Variants in C1orf226 observed in about 807,000 individuals in gnomAD.
C1orf226 encodes the protein uncharacterized protein C1orf226.
A neutral mutation model predicts 10.5 loss-of-function variants in C1orf226; 4 were observed. The ratio of observed to expected loss-of-function variants is 0.38; its 90% CI spans 0.19 to 0.87. The LOEUF (loss-of-function observed/expected upper bound fraction) is 0.87. C1orf226 is among the 40% of genes least tolerant of loss of function. The pLI is 0.41. For missense variants in C1orf226, 313 were observed against 336.2 expected (o/e 0.93, Z 0.54); for synonymous variants, 125 against 139.3 (o/e 0.90, Z 0.72).
chr1:162,380,159 C>T (rs145120635), upstream of C1orf226, among the ~76,000 whole-genome samples: 535 of 152,270 alleles, frequency 3.5e-3, 9 homozygotes, highest in Non-Finnish European at 1.1e-3. Flanking sequence ...TGCTGTGGAG[C>T]GGGCTGGAAG....
upstream of C1orf226, chr1:162,379,044 G>T: frequency 6.6e-7 from 1 of 1,508,118 alleles, no homozygotes; most frequent in South Asian, 1.2e-5. Context: ...AAGATATCCT[G>T]TTTTTTTGTG....
In C1orf226 at chr1:162,385,227, G is replaced by A. The variant is rs1359972394; in HGVS notation, c.*1544G>A. 1 of 152,378 alleles carries A rather than the reference G, an allele frequency of 6.6e-6. No individual in the cohort carries two copies. Among genetic ancestry groups the A allele is most frequent in the Non-Finnish European group, 1.5e-5 (1 of 68,094 alleles). 9.4% of individuals were successfully genotyped at this position (152,378 alleles called of 1,614,324 possible). The stretch of plus-strand genomic sequence containing the variant: ...TTTGGCTTCCCACCCATAAGCTCTG[G>A]GATACCCAGGGCTTGCTTCCCAGCT... On this transcript the variant is annotated 3_prime_UTR_variant, in exon 2 of 2. Coordinates refer to ENST00000458626, the MANE Select transcript of C1orf226 (RefSeq NM_001085375.2).
Position 162,381,744 on chromosome 1 carries a change from G to A in C1orf226, c.-158G>A. On this transcript the variant is annotated 5_prime_UTR_variant, in exon 1 of 2. Transcript: ENST00000458626. ...AAGAAAACTACACTGGAAAGTTCAA[G>A]AGTGTCTTTGCTGGCTCTTTCTTGA... 3.4e-6 allele frequency: 5 copies of A among 1,461,618 alleles called. No individual in the cohort carries two copies. The highest frequency in any genetic ancestry group is 4.5e-6 in the Non-Finnish European group (5 of 1,111,420). The allele number at this position is 1,461,618 out of a possible 1,614,324, so 90.5% of individuals were successfully genotyped here.
chr1:162,384,761 T>TG lies in C1orf226; in HGVS notation c.*1084dup. The TG allele has an allele frequency of 6.5e-6, 1 of 152,948 alleles. No individual in the cohort carries two copies. 9.5% of individuals were successfully genotyped at this position (152,948 alleles called of 1,614,324 possible). The stretch of plus-strand genomic sequence containing the variant: ...CAAGATTGGAATGTGAGAAGAACTG[T>TG]GGGGGGAAACCAGTTTTAATTAAGT... On this transcript the variant is annotated 3_prime_UTR_variant, in exon 2 of 2. Coordinates refer to ENST00000458626, the MANE Select transcript of C1orf226 (RefSeq NM_001085375.2).
chr1:162,382,400 C>T (rs1647945997), intron 1 of C1orf226, among the ~76,000 whole-genome samples, 182 bp downstream of exon 1: 1 of 152,236 alleles, frequency 6.6e-6, no homozygotes, highest in Admixed American at 6.5e-5. Context: ...TCTGCAGCCA[C>T]AGCTGAAGGT....
At chr1:162,381,578 G>A (rs80160544), upstream of C1orf226, among the ~76,000 whole-genome samples, 4,266 of 152,298 alleles carry the variant, frequency 0.028, 87 homozygotes, top group Non-Finnish European at 0.044. Flanking sequence ...TCCAAAGGGC[G>A]TGGTGACTCC....
chr1:162,379,069 C>T, upstream of C1orf226: 1 of 1,332,130 alleles, frequency 7.5e-7, no homozygotes. Context: ...ACTTACATCC[C>T]CAGATGCCCT....
chr1:162,382,168 G>C lies in C1orf226; in HGVS notation c.267G>C (p.Gln89His), dbSNP rs369068124. The C allele has an allele frequency of 2.7e-5, 43 of 1,588,944 alleles. No individual in the cohort carries two copies. Among genetic ancestry groups the C allele is most frequent in the Non-Finnish European group, 3.3e-5 (39 of 1,167,776 alleles). ...AGATCAACAAGACTGCAGGAGCACA[G>C]CTGGCCAGTGGGACTGACGCGGCTC... ...VTEINKTAGA[Q>H]LASGTDAAPE... The change falls in exon 1 of 2, where the codon CAG becomes CAC. Residue 89 changes from glutamine (Q) to histidine (H), a missense_variant. Coordinates refer to ENST00000458626, the MANE Select transcript of C1orf226 (RefSeq NM_001085375.2).
intron 1 of C1orf226, among the ~76,000 whole-genome samples, chr1:162,382,923 C>T (rs1442707365): frequency 2.6e-5 from 4 of 152,244 alleles, no homozygotes; most frequent in Admixed American, 6.5e-5. Flanking sequence ...GCTTCACCAG[C>T]GGTCTCTATC....
In C1orf226 at chr1:162,383,326, A is replaced by G; in HGVS notation, c.462A>G (p.Pro154=). 2 of 1,611,602 alleles carry G rather than the reference A, an allele frequency of 1.2e-6. No homozygotes were observed. The highest frequency in any genetic ancestry group is 1.7e-6 in the Non-Finnish European group (2 of 1,178,714). ...VLSSLEYGTE[P]SPGQAQDSAP... ...GCAGTCTGGAGTATGGGACAGAGCC[A>G]TCACCTGGGCAGGCCCAGGACTCCG... Residue 154 remains proline (P), a synonymous_variant, in exon 2 of 2, where the codon CCA becomes CCG. Coordinates refer to ENST00000458626, the MANE Select transcript of C1orf226 (RefSeq NM_001085375.2).
At position 162,382,188 on chromosome 1, in the gene C1orf226, C is replaced by T. The variant is rs567512055; in HGVS notation, c.287C>T (p.Ala96Val). The change falls in exon 1 of 2, where the codon GCG becomes GTG. Residue 96 changes from alanine to valine, a missense_variant. Ala to Val is a moderately conservative substitution (Grantham distance 64, BLOSUM62 0). Transcript: ENST00000458626. Reference sequence around the variant, plus strand: ...GCACAGCTGGCCAGTGGGACTGACGCGGCTCCAGAGGCTTGGCTAGAGGAT... The same window carrying T: ...GCACAGCTGGCCAGTGGGACTGACGTGGCTCCAGAGGCTTGGCTAGAGGAT... ...AGAQLASGTD[A>V]APEAWLEDER... is the part of the protein sequence containing the mutation. 3.2e-5 allele frequency: 50 copies of T among 1,583,486 alleles called. 1 individual carries two copies. Among genetic ancestry groups the T allele is most frequent in the Admixed American group, 9.0e-5 (5 of 55,594 alleles).
rs528838762 is a variant in C1orf226 at position 162,386,583 on chromosome 1, G to C, written c.*2900G>C. ...GCTTCCAGAACCTGGCAGGAGGCTG[G>C]TGTATCCCCCTGCACAGAGGGAAGT... On this transcript the variant is annotated 3_prime_UTR_variant, in exon 2 of 2. Coordinates refer to ENST00000458626, the MANE Select transcript of C1orf226 (RefSeq NM_001085375.2). 1.3e-5 allele frequency: 2 copies of C among 152,356 alleles called. No individual in the cohort carries two copies. The highest frequency in any genetic ancestry group is 4.8e-5 in the African/African-American group (2 of 41,562). The allele number at this position is 152,356 out of a possible 1,614,324, so 9.4% of individuals were successfully genotyped here.
At position 162,383,403 on chromosome 1, in the gene C1orf226, C is replaced by T. The variant is rs984933083; in HGVS notation, c.539C>T (p.Thr180Ile). The T allele has an allele frequency of 6.3e-7, 1 of 1,592,154 alleles. No individual in the cohort carries two copies. Among genetic ancestry groups the T allele is most frequent in the African/African-American group, 1.3e-5 (1 of 74,504 alleles). The change falls in exon 2 of 2, where the codon ACC becomes ATC. Residue 180 changes from threonine to isoleucine, a missense_variant. Coordinates refer to ENST00000458626, the MANE Select transcript of C1orf226 (RefSeq NM_001085375.2). ...GCAGACGCTTCACAGCCAGAGGCCA[C>T]CATGGAAAGAGAAGAGAGAGGCAAA... ...VPADASQPEATMEREERGKVL... is the reference protein window; with the variant it reads ...VPADASQPEAIMEREERGKVL...
rs769021007 is a variant in C1orf226 at position 162,383,615 on chromosome 1, C to G, written c.751C>G (p.Pro251Ala). ...LAESWEDGSP[P>A]PQARTSSLDN... Reference sequence around the variant, plus strand: ...TGAGTCCTGGGAGGATGGCAGCCCCCCTCCTCAGGCACGGACCTCCAGCCT... The same window carrying G: ...TGAGTCCTGGGAGGATGGCAGCCCCGCTCCTCAGGCACGGACCTCCAGCCT... Residue 251 changes from proline to alanine, a missense_variant, in exon 2 of 2, where the codon CCT becomes GCT. Coordinates refer to ENST00000458626, the MANE Select transcript of C1orf226 (RefSeq NM_001085375.2). The G allele has an allele frequency of 1.9e-6, 3 of 1,608,654 alleles. No individual in the cohort carries two copies. The highest frequency in any genetic ancestry group is 2.2e-5 in the East Asian group (1 of 44,672).
chr1:162,379,114 G>A, upstream of C1orf226: 2 of 843,512 alleles, frequency 2.4e-6, no homozygotes, highest in Non-Finnish European at 1.9e-6. Flanking sequence ...GGGGGGTACT[G>A]TTGGGAGGGC....
chr1:162,383,809 G>GATCTACACTT lies in C1orf226; in HGVS notation c.*127_*128insTCTACACTTA. 5 of 943,810 alleles carry GATCTACACTT rather than the reference G, an allele frequency of 5.3e-6. No homozygotes were observed. The highest frequency in any genetic ancestry group is 2.9e-5 in the Admixed American group (1 of 34,066). 58.5% of individuals were successfully genotyped at this position (943,810 alleles called of 1,614,324 possible). A position where few individuals can be genotyped will look rare whatever the true frequency, so the allele number is the denominator to read the frequency against. ...CTTCCTTGTATGAGGCACCAGCAGA[G>GATCTACACTT]AGCCAGTCGTCCATCATGGGATTTT... On this transcript the variant is annotated 3_prime_UTR_variant, in exon 2 of 2. Transcript: ENST00000458626.
rs529389789 is a variant in C1orf226 at position 162,382,063 on chromosome 1, G to A, written c.162G>A (p.Leu54=). Residue 54 remains leucine, a synonymous_variant, in exon 1 of 2, where the codon CTG becomes CTA. Coordinates refer to ENST00000458626, the MANE Select transcript of C1orf226 (RefSeq NM_001085375.2). ...WVGSSQHLKN[L]GKAMGAKVND... ...GCAGCAGCCAGCACCTCAAGAACCTGGGCAAAGCCATGGGGGCCAAAGTGA... is the reference window on the plus strand; with the variant it reads ...GCAGCAGCCAGCACCTCAAGAACCTAGGCAAAGCCATGGGGGCCAAAGTGA... 27 of 1,606,890 alleles carry A rather than the reference G, an allele frequency of 1.7e-5. No individual in the cohort carries two copies. Among genetic ancestry groups the A allele is most frequent in the Non-Finnish European group, 2.1e-5 (25 of 1,176,792 alleles).
At position 162,383,204 on chromosome 1, in the gene C1orf226, C is replaced by A; in HGVS notation, c.340C>A (p.Pro114Thr). ...CAGGTCAGTCCTGCAAGAAACATTT[C>A]CTCGGCTGGATCCTCCACCTCCCAT... is the stretch of plus-strand genomic sequence containing the variant. Reference protein sequence around the residue: ...DERSVLQETFPRLDPPPPITR... With the variant: ...DERSVLQETFTRLDPPPPITR... The change falls in exon 2 of 2, where the codon CCT becomes ACT. Residue 114 changes from proline (P) to threonine (T), a missense_variant. Pro to Thr is a conservative substitution (Grantham distance 38). Transcript: ENST00000458626. 1 of 1,596,650 alleles carries A rather than the reference C, an allele frequency of 6.3e-7. No individual in the cohort carries two copies. The highest frequency in any genetic ancestry group is 8.5e-7 in the Non-Finnish European group (1 of 1,171,336).
At chr1:162,379,163 G>T, upstream of C1orf226, 1 of 607,890 alleles carries the variant, frequency 1.6e-6, no homozygotes, top group Non-Finnish European at 3.0e-6. Flanking sequence ...GTCCTCCATT[G>T]CCATTATTTT....
Sources: gnomAD v4.1 joint callset for allele counts (sites outside exome capture counted in the v4.1 genomes callset) on GRCh38, gnomAD v4.1.1 for gene constraint, MANE v1.5 for transcripts, NCBI Gene and HGNC (gene_info 2026-07-23, HGNC 2026-07-21) for gene names.